The following ANKRD17 variants were observed in gnomAD, a reference collection of about 807,000 sequenced individuals.
The protein encoded by ANKRD17 is ankyrin repeat domain 17, also known as ankyrin repeat domain-containing protein 17.
A neutral mutation model predicts 229.7 loss-of-function variants in ANKRD17; 19 were observed. The ratio of observed to expected loss-of-function variants is 0.08; its 90% CI spans 0.06 to 0.12. The LOEUF is 0.12. ANKRD17 is among the 10% of genes least tolerant of loss of function. The pLI is 1.00. For missense variants in ANKRD17, 2,176 were observed against 3,176.8 expected (o/e 0.68, Z 7.57); for synonymous variants, 1,112 against 1,146.1 (o/e 0.97, Z 0.60).
At chr4:73,171,969 G>A (rs1209600339) in intron 2 of ANKRD17, among the ~76,000 whole-genome samples, 1 of 152,094 alleles carries the variant, frequency 6.6e-6, no homozygotes, top group Non-Finnish European at 1.5e-5. Flanking sequence ...GCCTTAAAGA[G>A]GAGGTAAAGA....
chr4:73,130,615 T>G (rs535601833), intron 16 of ANKRD17, among the ~76,000 whole-genome samples: 1 of 151,920 alleles, frequency 6.6e-6, no homozygotes, highest in Non-Finnish European at 1.5e-5. Context: ...GATCTATTTT[T>G]TTTTTTTCAG....
At chr4:73,210,495 T>C (rs1413307873) in intron 1 of ANKRD17, among the ~76,000 whole-genome samples, 5 of 152,154 alleles carry the variant, frequency 3.3e-5, no homozygotes, top group Admixed American at 1.3e-4. Flanking sequence ...CAATGTTATA[T>C]GAACTACACA....
At position 73,182,822 on chromosome 4, in the gene ANKRD17, C is replaced by A. The variant is rs1175738097; in HGVS notation, c.394-5289G>T. ...TATTAACATTTTGGACCAGATAATT[C>A]TTTGTTGTTTGGGGCTGTCTTGTGT... On this transcript the variant is annotated intron_variant, in intron 1 of 33. Coordinates refer to ENST00000358602, the MANE Select transcript of ANKRD17 (RefSeq NM_032217.5). Among the ~76,000 whole-genome samples, 3 of 152,150 alleles carry A rather than the reference C, an allele frequency of 2.0e-5. No homozygotes were observed. In the East Asian group the frequency reaches 5.8e-4, roughly 29 times the overall value.
intron 1 of ANKRD17, among the ~76,000 whole-genome samples, chr4:73,180,865 C>T (rs556480443): frequency 1.3e-5 from 2 of 152,260 alleles, no homozygotes; most frequent in East Asian, 3.9e-4. Flanking sequence ...CCCAATTCTG[C>T]TTAATTTTTT....
intron 13 of ANKRD17, 79 bp downstream of exon 13, chr4:73,142,163 A>C: frequency 7.1e-7 from 1 of 1,408,274 alleles, no homozygotes; most frequent in South Asian, 1.6e-5. Flanking sequence ...AAAAAACCCT[A>C]ATTTAAACAG....
chr4:73,102,659 A>G (rs1207666462), intron 24 of ANKRD17, 112 bp from the exon 25 acceptor site: 1 of 1,202,320 alleles, frequency 8.3e-7, no homozygotes, highest in East Asian at 2.4e-5. Context: ...ATTCAAAGTC[A>G]TCTAGTTCAA....
intron 27 of ANKRD17, among the ~76,000 whole-genome samples, chr4:73,095,684 G>T (rs764834736): frequency 5.3e-5 from 8 of 149,856 alleles, no homozygotes; most frequent in Non-Finnish European, 8.9e-5. Flanking sequence ...ATAGATTATA[G>T]ATTTCCTTTA....
At chr4:73,131,225 C>T (rs1428556966) in intron 16 of ANKRD17, among the ~76,000 whole-genome samples, 2 of 152,180 alleles carry the variant, frequency 1.3e-5, no homozygotes, top group African/African-American at 4.8e-5. Flanking sequence ...ACACCCTTGG[C>T]AAGTGAGTTC....
At chr4:73,178,696 G>A (rs1735057636) in intron 1 of ANKRD17, among the ~76,000 whole-genome samples, 1 of 151,992 alleles carries the variant, frequency 6.6e-6, no homozygotes, top group African/African-American at 2.4e-5. Context: ...TGGGCCCTGA[G>A]GGGTCTATTT....
intron 16 of ANKRD17, among the ~76,000 whole-genome samples, chr4:73,129,451 T>G (rs994467419): frequency 1.3e-5 from 2 of 152,028 alleles, no homozygotes; most frequent in Non-Finnish European, 2.9e-5. Flanking sequence ...ATACGCTGGG[T>G]ACAATGGCTC....
intron 6 of ANKRD17, among the ~76,000 whole-genome samples, chr4:73,153,010 T>C (rs913860774): frequency 2.0e-5 from 3 of 152,180 alleles, no homozygotes; most frequent in South Asian, 2.1e-4. Flanking sequence ...AAAGGCATCA[T>C]ACAACCTTGG....
intron 1 of ANKRD17, among the ~76,000 whole-genome samples, chr4:73,199,051 C>A (rs1382661869): frequency 6.6e-6 from 1 of 152,080 alleles, no homozygotes; most frequent in Non-Finnish European, 1.5e-5. Flanking sequence ...CCCACTCTTC[C>A]CAATACATTT....
At chr4:73,101,864 T>C (rs1392445669) in intron 25 of ANKRD17, among the ~76,000 whole-genome samples, 5 of 152,166 alleles carry the variant, frequency 3.3e-5, no homozygotes, top group African/African-American at 4.8e-5. Flanking sequence ...AACTTGTCTG[T>C]AGTTTTGAAA....
At chr4:73,216,238 C>T (rs754223940) in intron 1 of ANKRD17, among the ~76,000 whole-genome samples, 42 of 151,900 alleles carry the variant, frequency 2.8e-4, no homozygotes, top group African/African-American at 9.2e-4. Context: ...TGTTAACATG[C>T]AATGGTTTAT....
chr4:73,152,811 T>C (rs1009344816), intron 6 of ANKRD17, among the ~76,000 whole-genome samples: 1 of 152,162 alleles, frequency 6.6e-6, no homozygotes, highest in African/African-American at 2.4e-5. Flanking sequence ...AGCCTCTGCC[T>C]AATTATAAAC....
chr4:73,176,815 C>T (rs888075879), intron 2 of ANKRD17, among the ~76,000 whole-genome samples: 2 of 152,134 alleles, frequency 1.3e-5, no homozygotes, highest in Admixed American at 1.3e-4. Flanking sequence ...ATCAAAATAT[C>T]TCATGTATCC....
chr4:73,168,727 G>A (rs1733569192), intron 2 of ANKRD17, among the ~76,000 whole-genome samples: 1 of 152,228 alleles, frequency 6.6e-6, no homozygotes, highest in Admixed American at 6.5e-5. Context: ...TGTCATTAAT[G>A]CACATAACCC....
rs897107118 is a variant in ANKRD17, at chr4:73,139,607, C to T, written c.3009G>A (p.Leu1003=). Residue 1003 remains leucine (L), a synonymous_variant, in exon 15 of 34, where the codon CTG becomes CTA. Transcript: ENST00000358602. ...AQLAGLGQGI[L]TETQQGLMVA... ...CCATTAACCCTTGTTGTGTTTCTGT[C>T]AGAATTCCTTGCCCCAGCCCTGCCA... 7.4e-6 allele frequency: 12 copies of T among 1,614,004 alleles called. No homozygotes were observed. The highest frequency in any genetic ancestry group is 6.7e-5 in the Admixed American group (4 of 60,002).
In ANKRD17 at chr4:73,148,949, A is replaced by G; in HGVS notation, c.1431T>C (p.Gly477=). 6.2e-7 allele frequency: 1 copy of G among 1,613,476 alleles called. No individual in the cohort carries two copies. The highest frequency in any genetic ancestry group is 1.1e-5 in the South Asian group (1 of 91,026). Reference sequence around the variant, plus strand: ...GTAAAGCCGCAAGTTCCACATGCCCACCACATGCAGCCAAAGTTAATGGTG... The same window carrying G: ...GTAAAGCCGCAAGTTCCACATGCCCGCCACATGCAGCCAAAGTTAATGGTG... ...FESPLTLAAC[G]GHVELAALLI... Residue 477 remains glycine (G), a synonymous_variant, in exon 8 of 34, where the codon GGT becomes GGC. Coordinates refer to ENST00000358602, the MANE Select transcript of ANKRD17 (RefSeq NM_032217.5).
Sources: allele counts gnomAD v4.1 joint callset (sites outside exome capture counted in the v4.1 genomes callset), GRCh38; gene constraint gnomAD v4.1.1; transcripts MANE v1.5; gene names NCBI Gene and HGNC (gene_info 2026-07-23, HGNC 2026-07-21).